Variants in C12orf42 observed in about 807,000 individuals in gnomAD.
The protein encoded by C12orf42 is uncharacterized protein C12orf42.
C12orf42 carries 25 observed loss-of-function variants against 21.6 expected under a neutral mutation model. The ratio of observed to expected loss-of-function variants is 1.16; its 90% CI spans 0.84 to 1.62. The LOEUF is 1.62. Ranked by LOEUF, C12orf42 falls within the 40% of genes most tolerant of loss-of-function variation. C12orf42 has a pLI of 0.00. For missense variants in C12orf42, 483 were observed against 459.3 expected, an observed-to-expected ratio of 1.05 and a Z score of -0.47; for synonymous variants, 174 against 175.0, an observed-to-expected ratio of 0.99 and a Z score of 0.05.
At chr12:103,305,725 A>G (rs918866884) in intron 5 of C12orf42, among the ~76,000 whole-genome samples, 2 of 152,176 alleles carry the variant, frequency 1.3e-5, no homozygotes, top group Non-Finnish European at 2.9e-5. Context: ...TGATGATAAT[A>G]GCTGTCATTG....
chr12:103,432,599 G>A (rs931069348), intron 2 of C12orf42, among the ~76,000 whole-genome samples: 1 of 152,120 alleles, frequency 6.6e-6, no homozygotes, highest in African/African-American at 2.4e-5. Context: ...GTATGTTATG[G>A]GCTGAATTGT....
the C12orf42 span, chr12:103,164,659 G>A: frequency 2.2e-6 from 1 of 447,518 alleles, no homozygotes; most frequent in Admixed American, 2.4e-5. Context: ...TGTTGTCTGT[G>A]TTACTTTTGT....
the C12orf42 span, among the ~76,000 whole-genome samples, chr12:103,118,595 G>A: frequency 7.5e-3 from 1,142 of 151,934 alleles, 17 homozygotes; most frequent in African/African-American, 0.026. Context: ...TCAGGAGATC[G>A]AGACCATCCT....
chr12:103,469,880 C>T (rs150344289), intron 2 of C12orf42, among the ~76,000 whole-genome samples: 85 of 152,234 alleles, frequency 5.6e-4, no homozygotes, highest in African/African-American at 1.8e-3. Flanking sequence ...AATGACAGAT[C>T]GAAAGTCACA....
chr12:103,492,264 CTT>C, intron 1 of C12orf42, among the ~76,000 whole-genome samples: 1 of 152,306 alleles, frequency 6.6e-6, no homozygotes, highest in African/African-American at 2.4e-5. Flanking sequence ...GGCCCTCATT[CTT>C]AATTCTATGT....
rs375096454 is a variant in C12orf42 at position 103,425,414 on chromosome 12, G to A, written c.79-23739C>T. ...TGTGAGATACCTCCCAGCAGAGGTCGACAGACACCTCATACAGGAGAGCTC... is the reference window on the plus strand; with the variant it reads ...TGTGAGATACCTCCCAGCAGAGGTCAACAGACACCTCATACAGGAGAGCTC... On this transcript the variant is annotated intron_variant, in intron 2 of 5. Transcript: ENST00000548883. 1.9e-3 allele frequency among the ~76,000 whole-genome samples: 287 copies of A among 152,272 alleles called. 1 individual carries two copies. The highest frequency in any genetic ancestry group is 4.5e-3 in the African/African-American group (189 of 41,578).
the C12orf42 span, among the ~76,000 whole-genome samples, chr12:103,534,380 A>T: frequency 6.6e-6 from 1 of 152,112 alleles, no homozygotes; most frequent in Non-Finnish European, 1.5e-5. Context: ...TGCTGACTAC[A>T]TGCCAAGCGA....
intron 2 of C12orf42, among the ~76,000 whole-genome samples, chr12:103,418,021 A>G (rs572348448): frequency 2.0e-5 from 3 of 152,340 alleles, no homozygotes; most frequent in African/African-American, 7.2e-5. Flanking sequence ...TTTTTAAAAG[A>G]TAACTTTGCT....
chr12:103,088,676 T>C, the C12orf42 span, among the ~76,000 whole-genome samples: 2 of 152,162 alleles, frequency 1.3e-5, no homozygotes, highest in African/African-American at 4.8e-5. Context: ...AAAGCAATGA[T>C]AAAGTGTGAC....
At chr12:103,353,599 A>G (rs899686660) in intron 4 of C12orf42, among the ~76,000 whole-genome samples, 14 of 152,112 alleles carry the variant, frequency 9.2e-5, no homozygotes, top group Non-Finnish European at 2.1e-4. Context: ...CCTCTCTGGG[A>G]GACACTTCCT....
At chr12:103,224,250 C>T in the C12orf42 span, among the ~76,000 whole-genome samples, 23 of 147,234 alleles carry the variant, frequency 1.6e-4, no homozygotes, top group African/African-American at 4.3e-4. Context: ...GGAAGGGAGG[C>T]GGCCTGAATA....
At chr12:103,486,754 G>C (rs1266487476) in intron 1 of C12orf42, among the ~76,000 whole-genome samples, 1 of 152,176 alleles carries the variant, frequency 6.6e-6, no homozygotes, top group Non-Finnish European at 1.5e-5. Flanking sequence ...GTGTAGAGGT[G>C]TTTACAGTAT....
At chr12:103,356,931 G>A (rs1425331949) in intron 4 of C12orf42, among the ~76,000 whole-genome samples, 1 of 151,754 alleles carries the variant, frequency 6.6e-6, no homozygotes, top group Non-Finnish European at 1.5e-5. Flanking sequence ...TATACACCAT[G>A]GAATACTATA....
At chr12:103,499,521 G>T (rs949867297), upstream of C12orf42, among the ~76,000 whole-genome samples, 9 of 152,334 alleles carry the variant, frequency 5.9e-5, no homozygotes, top group Admixed American at 3.9e-4. Context: ...AAACAATGGA[G>T]AAGAGAAAGG....
the C12orf42 span, among the ~76,000 whole-genome samples, chr12:103,172,867 G>T: frequency 6.6e-6 from 1 of 152,056 alleles, no homozygotes; most frequent in African/African-American, 2.4e-5. Flanking sequence ...TCTTGAACTC[G>T]TACCCTAGGA....
chr12:103,293,744 C>T (rs369674611), intron 4 of C12orf42, among the ~76,000 whole-genome samples: 1 of 152,144 alleles, frequency 6.6e-6, no homozygotes, highest in Admixed American at 6.5e-5. Context: ...CAAGGCAGAA[C>T]TATATCATCA....
chr12:103,387,805 A>G (rs899865843), intron 3 of C12orf42, among the ~76,000 whole-genome samples: 1 of 152,248 alleles, frequency 6.6e-6, no homozygotes. Flanking sequence ...AAATGAACAG[A>G]TGAATGAAAA....
chr12:103,362,209 G>C (rs1043238972), intron 4 of C12orf42, among the ~76,000 whole-genome samples: 1 of 152,108 alleles, frequency 6.6e-6, no homozygotes, highest in Admixed American at 6.5e-5. Context: ...CTTATTACCA[G>C]CCTGGAGCCT....
downstream of C12orf42, among the ~76,000 whole-genome samples, chr12:103,233,057 C>G (rs2136146209): frequency 6.6e-6 from 1 of 152,326 alleles, no homozygotes; most frequent in East Asian, 1.9e-4. Context: ...GAACTATACA[C>G]TAAATTAACA....
Sources: allele counts gnomAD v4.1 joint callset (sites outside exome capture counted in the v4.1 genomes callset), GRCh38; gene constraint gnomAD v4.1.1; transcripts MANE v1.5; gene names NCBI Gene and HGNC (gene_info 2026-07-23, HGNC 2026-07-21).